The following BNC2 variants were observed in gnomAD, a reference collection of about 807,000 sequenced individuals.
BNC2 encodes basonuclin zinc finger protein 2, also known as zinc finger protein basonuclin-2.
BNC2 carries 20 observed loss-of-function variants against 76.3 expected under a neutral mutation model. The observed-to-expected ratio is 0.26, with a 90% CI of 0.18 to 0.38. The LOEUF (loss-of-function observed/expected upper bound fraction) is 0.38, where lower values mean the gene tolerates loss of function less well. BNC2 is among the 10% of genes least tolerant of loss of function. The pLI, the probability that BNC2 is intolerant of heterozygous loss-of-function variation, is 1.00. For synonymous variants in BNC2, 582 were observed against 514.8 expected, an observed-to-expected ratio of 1.13 and a Z score of -1.77; for missense variants, 1,382 against 1,399.8, an observed-to-expected ratio of 0.99 and a Z score of 0.20.
chr9:16,576,542 A>G (rs1428647374), intron 4 of BNC2, among the ~76,000 whole-genome samples: 2 of 152,226 alleles, frequency 1.3e-5, no homozygotes, highest in Non-Finnish European at 2.9e-5. Flanking sequence ...ATATTTAGAC[A>G]ATTTATAAGA....
chr9:16,701,454 G>C (rs1030961752), intron 3 of BNC2, among the ~76,000 whole-genome samples: 7 of 152,112 alleles, frequency 4.6e-5, no homozygotes, highest in Non-Finnish European at 8.8e-5. Context: ...ATCATGACTA[G>C]CATCCCTAGC....
chr9:16,670,175 T>C (rs540562718), intron 3 of BNC2, among the ~76,000 whole-genome samples: 55 of 152,344 alleles, frequency 3.6e-4, no homozygotes, highest in African/African-American at 1.3e-3. Context: ...AAGCATTAAC[T>C]ATACCTATTC....
intron 3 of BNC2, among the ~76,000 whole-genome samples, chr9:16,668,395 G>A (rs1822364877): frequency 6.6e-6 from 1 of 152,140 alleles, no homozygotes; most frequent in African/African-American, 2.4e-5. Context: ...GACACTCTGG[G>A]CCTCACTTTT....
intron 1 of BNC2, among the ~76,000 whole-genome samples, chr9:16,782,796 G>C (rs972560439): frequency 3.9e-5 from 6 of 152,254 alleles, no homozygotes. Context: ...TCTACCTTTT[G>C]TTCACTACTA....
At chr9:16,508,983 G>C (rs975299010) in intron 5 of BNC2, among the ~76,000 whole-genome samples, 7 of 151,896 alleles carry the variant, frequency 4.6e-5, no homozygotes, top group African/African-American at 1.7e-4. Context: ...ATCACACCTG[G>C]CTGTTTTTTT....
At chr9:16,546,774 A>G (rs1818496298) in intron 5 of BNC2, among the ~76,000 whole-genome samples, 1 of 152,114 alleles carries the variant, frequency 6.6e-6, no homozygotes, top group South Asian at 2.1e-4. Context: ...CTTCCCCCAA[A>G]TCATGCCACA....
chr9:16,718,144 T>C (rs1048007556), intron 3 of BNC2, among the ~76,000 whole-genome samples: 1 of 152,182 alleles, frequency 6.6e-6, no homozygotes, highest in African/African-American at 2.4e-5. Context: ...GAACACTCTC[T>C]TTTTCTTATT....
intron 3 of BNC2, among the ~76,000 whole-genome samples, chr9:16,662,830 C>G (rs971405711): frequency 1.3e-5 from 2 of 152,142 alleles, no homozygotes; most frequent in Non-Finnish European, 1.5e-5. Context: ...CTACTGCTTC[C>G]TTCTCTAGAA....
Position 16,503,093 on chromosome 9 carries a change from G to T in BNC2, c.669+49437C>A, listed in dbSNP as rs533085045. 3.3e-5 allele frequency among the ~76,000 whole-genome samples: 5 copies of T among 152,220 alleles called. No individual in the cohort carries two copies. The South Asian group carries it at 1.0e-3, about 32-fold the overall frequency. ...TTTTCACATGAAGAAGAGAAATTGC[G>T]CACAGTTTGCTACAGAGAGTATTTG... On this transcript the variant is annotated intron_variant, in intron 5 of 6. Coordinates refer to ENST00000380672, the MANE Select transcript of BNC2 (RefSeq NM_017637.6).
intron 5 of BNC2, among the ~76,000 whole-genome samples, chr9:16,505,058 G>A (rs1251718549): frequency 6.6e-6 from 1 of 152,226 alleles, no homozygotes; most frequent in African/African-American, 2.4e-5. Context: ...AGGCAATACT[G>A]CTAACTTTTC....
chr9:16,695,115 G>A (rs1823298802), intron 3 of BNC2, among the ~76,000 whole-genome samples: 1 of 152,186 alleles, frequency 6.6e-6, no homozygotes, highest in South Asian at 2.1e-4. Flanking sequence ...CTGAAACCTA[G>A]TAGCTTTAGA....
chr9:16,530,549 T>G (rs1214605049), intron 5 of BNC2, among the ~76,000 whole-genome samples: 1 of 152,194 alleles, frequency 6.6e-6, no homozygotes, highest in Non-Finnish European at 1.5e-5. Flanking sequence ...ATGGAAAACA[T>G]GATATTATGC....
At chr9:16,422,231 C>T (rs1820724854) in intron 6 of BNC2, among the ~76,000 whole-genome samples, 1 of 152,192 alleles carries the variant, frequency 6.6e-6, no homozygotes, top group Non-Finnish European at 1.5e-5. Context: ...TATCTGTCAA[C>T]CAAACGATGT....
At chr9:16,795,232 A>C (rs895889533) in intron 1 of BNC2, among the ~76,000 whole-genome samples, 4 of 152,120 alleles carry the variant, frequency 2.6e-5, no homozygotes, top group African/African-American at 4.8e-5. Context: ...GAAAAGAATA[A>C]GCAAAGGAAG....
intron 5 of BNC2, among the ~76,000 whole-genome samples, chr9:16,521,345 C>A (rs367771258): frequency 6.6e-6 from 1 of 152,150 alleles, no homozygotes; most frequent in South Asian, 2.1e-4. Flanking sequence ...AAATTTCCAC[C>A]GGAAATAAAA....
At chr9:16,735,252 T>G (rs1183284302) in intron 2 of BNC2, among the ~76,000 whole-genome samples, 1 of 152,158 alleles carries the variant, frequency 6.6e-6, no homozygotes, top group Non-Finnish European at 1.5e-5. Context: ...TACCTTGTTT[T>G]GGTTTAAAAA....
intron 1 of BNC2, among the ~76,000 whole-genome samples, chr9:16,790,579 T>C (rs986913350): frequency 3.9e-5 from 6 of 152,240 alleles, no homozygotes; most frequent in African/African-American, 1.4e-4. Context: ...TACTTCCTTC[T>C]AAGTTCAGAC....
intron 1 of BNC2, among the ~76,000 whole-genome samples, chr9:16,832,631 A>C (rs774714798): frequency 5.0e-4 from 76 of 152,322 alleles, no homozygotes; most frequent in Non-Finnish European, 9.6e-4. Context: ...TTAATTCCCA[A>C]AATACATATT....
At chr9:16,714,468 T>A (rs1251038441) in intron 3 of BNC2, among the ~76,000 whole-genome samples, 2 of 152,220 alleles carry the variant, frequency 1.3e-5, no homozygotes, top group African/African-American at 4.8e-5. Context: ...CATACCAGCA[T>A]CATTCTGACA....
Sources: gnomAD v4.1 joint callset for allele counts (sites outside exome capture counted in the v4.1 genomes callset) on GRCh38, gnomAD v4.1.1 for gene constraint, MANE v1.5 for transcripts, NCBI Gene and HGNC (gene_info 2026-07-23, HGNC 2026-07-21) for gene names.